PDE4D: variants seen among roughly 807,000 people sequenced by gnomAD.
PDE4D encodes 3',5'-cyclic-AMP phosphodiesterase 4D.
PDE4D carries 24 observed loss-of-function variants against 87.4 expected under a neutral mutation model. That is an observed-to-expected ratio of 0.27 (90% CI 0.20 to 0.39). The LOEUF is 0.39. Among genes scored for constraint, PDE4D ranks in the 10% least tolerant of loss-of-function variants. The probability of loss-of-function intolerance (pLI) is 1.00; values close to 1 mark genes in which losing one functional copy is unlikely to be tolerated. For synonymous variants in PDE4D, 384 were observed against 383.2 expected (o/e 1.00, Z -0.02); for missense variants, 714 against 1,041.0 (o/e 0.69, Z 4.32).
intron 1 of PDE4D, among the ~76,000 whole-genome samples, chr5:59,243,622 G>C (rs971073741): frequency 1.3e-5 from 2 of 151,662 alleles, no homozygotes; most frequent in East Asian, 3.9e-4. Context: ...GCCATGCCCA[G>C]CTGATTTTTG....
intron 2 of PDE4D, among the ~76,000 whole-genome samples, chr5:60,065,325 ATTAT>A (rs1771930114): frequency 1.3e-5 from 2 of 151,798 alleles, no homozygotes; most frequent in South Asian, 2.1e-4. Flanking sequence ...GCTATGATCT[ATTAT>A]TTATTTTATG....
intron 1 of PDE4D, among the ~76,000 whole-genome samples, chr5:59,746,664 T>C (rs1479536131): frequency 1.3e-5 from 2 of 152,050 alleles, no homozygotes; most frequent in African/African-American, 4.8e-5. Context: ...ACTCCTAGCG[T>C]TCAGTCTGTC....
intron 1 of PDE4D, among the ~76,000 whole-genome samples, chr5:59,309,578 C>A (rs1335763048): frequency 6.6e-6 from 1 of 152,220 alleles, no homozygotes; most frequent in African/African-American, 2.4e-5. Context: ...CCCTTTCCCA[C>A]TTCCACAGTT....
intron 3 of PDE4D, among the ~76,000 whole-genome samples, chr5:59,936,658 T>C (rs943565520): frequency 1.3e-5 from 2 of 152,204 alleles, no homozygotes; most frequent in African/African-American, 4.8e-5. Context: ...CACTCTCCCA[T>C]CTTTCAGTTT....
At chr5:59,361,948 AT>A (rs1003193789) in intron 1 of PDE4D, among the ~76,000 whole-genome samples, 5 of 152,056 alleles carry the variant, frequency 3.3e-5, no homozygotes, top group African/African-American at 1.2e-4. Flanking sequence ...TGATTAATTA[AT>A]TTTTTTAATC....
In PDE4D at chr5:59,189,244, G is replaced by GTTT. The variant is rs1392753870; in HGVS notation, c.685-3985_685-3983dup. Among the ~76,000 whole-genome samples the GTTT allele has an allele frequency of 3.4e-3, 312 of 91,284 alleles. 2 individuals are homozygous for GTTT. The highest frequency in any genetic ancestry group is 0.012 in the Admixed American group (90 of 7,746). The allele number at this position is 91,284 out of a possible 152,430, so 59.9% of individuals were successfully genotyped here. A position where few individuals can be genotyped will look rare whatever the true frequency, so the allele number is the denominator to read the frequency against. ...TTGTTCCTACCCCGTTTTTTTTTTT[G>GTTT]TTTTTTTTGTTTTTTTTTTTTTGAG... On this transcript the variant is annotated intron_variant, in intron 3 of 14. Coordinates refer to ENST00000340635, the MANE Select transcript of PDE4D (RefSeq NM_001104631.2).
intron 1 of PDE4D, among the ~76,000 whole-genome samples, chr5:59,357,978 A>C (rs1004753963): frequency 6.6e-6 from 1 of 152,192 alleles, no homozygotes; most frequent in Admixed American, 6.5e-5. Flanking sequence ...CCCTCTCTGA[A>C]CTGGACAAAA....
At chr5:60,430,482 T>G (rs980009921) in intron 1 of PDE4D, among the ~76,000 whole-genome samples, 6 of 151,682 alleles carry the variant, frequency 4.0e-5, no homozygotes, top group Non-Finnish European at 8.8e-5. Context: ...TTGACTAATT[T>G]CCTTGTCTCC....
At chr5:59,775,846 T>C (rs1392079172) in intron 1 of PDE4D, among the ~76,000 whole-genome samples, 1 of 152,212 alleles carries the variant, frequency 6.6e-6, no homozygotes, top group Admixed American at 6.5e-5. Context: ...TCATTTGCTA[T>C]ACCCACCCCT....
intron 1 of PDE4D, among the ~76,000 whole-genome samples, chr5:59,811,785 T>C (rs1443902990): frequency 6.6e-6 from 1 of 152,218 alleles, no homozygotes; most frequent in Non-Finnish European, 1.5e-5. Context: ...TACATAACTT[T>C]TCTAAGACTC....
chr5:60,499,528 G>A (rs1035875973), intron 1 of PDE4D, among the ~76,000 whole-genome samples: 1 of 152,004 alleles, frequency 6.6e-6, no homozygotes, highest in Non-Finnish European at 1.5e-5. Context: ...GTTGGGGGCG[G>A]TTAAAAAGAA....
chr5:60,063,130 GAAAGAAAGAA>G (rs1771640799), intron 2 of PDE4D, among the ~76,000 whole-genome samples: 1 of 138,074 alleles, frequency 7.2e-6, no homozygotes, highest in African/African-American at 2.7e-5. Flanking sequence ...AAGAAAGAAA[GAAAGAAAGAA>G]AGAAAGAAAG....
intron 1 of PDE4D, among the ~76,000 whole-genome samples, chr5:59,282,067 AT>A (rs980629046): frequency 1.3e-5 from 2 of 151,700 alleles, no homozygotes; most frequent in Non-Finnish European, 2.9e-5. Context: ...TCTTCTAACT[AT>A]TTTTTTTCTG....
chr5:60,193,936 G>A (rs1332128432), intron 1 of PDE4D, among the ~76,000 whole-genome samples: 1 of 151,230 alleles, frequency 6.6e-6, no homozygotes, highest in Non-Finnish European at 1.5e-5. Flanking sequence ...GGATGAGTGA[G>A]GTGTTTCTCC....
chr5:59,276,081 T>A (rs1006331984), intron 1 of PDE4D: 11 of 976,898 alleles, frequency 1.1e-5, no homozygotes, highest in Non-Finnish European at 1.2e-5. Flanking sequence ...GTATGACGTC[T>A]GTAAGAAGGC....
At chr5:60,429,745 T>C (rs1744035827) in intron 1 of PDE4D, among the ~76,000 whole-genome samples, 1 of 152,224 alleles carries the variant, frequency 6.6e-6, no homozygotes, top group Non-Finnish European at 1.5e-5. Context: ...TTTTATTCCG[T>C]TCATGTGGTG....
rs1359220446 is a variant in PDE4D at position 59,814,836 on chromosome 5, A to G, written c.455+78332T>C. Among the ~76,000 whole-genome samples the G allele has an allele frequency of 3.3e-5, 5 of 151,348 alleles. No homozygotes were observed. In the East Asian group the frequency reaches 5.8e-4, roughly 18 times the overall value. On this transcript the variant is annotated intron_variant, in intron 1 of 14. Coordinates refer to ENST00000340635, the MANE Select transcript of PDE4D (RefSeq NM_001104631.2). Reference sequence around the variant, plus strand: ...AGCTGAAAATGTGGTAAGGAGGAGGAAAAAAAAATGGGTTATGATGGAAGA... The same window carrying G: ...AGCTGAAAATGTGGTAAGGAGGAGGGAAAAAAAATGGGTTATGATGGAAGA...
At chr5:59,608,524 C>A (rs534065084) in intron 1 of PDE4D, among the ~76,000 whole-genome samples, 41 of 152,196 alleles carry the variant, frequency 2.7e-4, no homozygotes, top group African/African-American at 9.9e-4. Flanking sequence ...ACACAAGAAC[C>A]ATTTAATTGC....
At chr5:59,705,570 A>T (rs1423539300) in intron 1 of PDE4D, among the ~76,000 whole-genome samples, 1 of 152,166 alleles carries the variant, frequency 6.6e-6, no homozygotes, top group Non-Finnish European at 1.5e-5. Flanking sequence ...TTTCTTGCAC[A>T]TTTAGTTTTT....
Sources: gnomAD v4.1 joint callset for allele counts (sites outside exome capture counted in the v4.1 genomes callset) on GRCh38, gnomAD v4.1.1 for gene constraint, MANE v1.5 for transcripts, NCBI Gene and HGNC (gene_info 2026-07-23, HGNC 2026-07-21) for gene names.